Variants in RMDN2 observed in about 807,000 individuals in gnomAD.
RMDN2 encodes the protein regulator of microtubule dynamics 2.
Under a neutral mutation model 52.8 loss-of-function variants are expected in RMDN2, and 61 were observed. The observed-to-expected ratio is 1.16, with a 90% CI of 0.94 to 1.43. The LOEUF (loss-of-function observed/expected upper bound fraction) is 1.43. RMDN2 is among the 40% of genes most tolerant of loss of function. RMDN2 has a pLI of 0.00. For missense variants in RMDN2, 592 were observed against 475.3 expected (o/e 1.25, Z -2.28); for synonymous variants, 180 against 153.1 (o/e 1.18, Z -1.30).
chr2:38,003,930 T>A, intron 8 of RMDN2, 61 bp from the exon 9 acceptor site: 1 of 1,217,950 alleles, frequency 8.2e-7, no homozygotes, highest in Non-Finnish European at 1.2e-6. Context: ...TTCTCTTCAC[T>A]TGTGGTTACT....
intron 4 of RMDN2, among the ~76,000 whole-genome samples, chr2:37,980,727 C>T (rs903751755): frequency 6.6e-6 from 1 of 152,000 alleles, no homozygotes; most frequent in African/African-American, 2.4e-5. Context: ...CTCAGGGAAG[C>T]CTTCCCTTAC....
intron 4 of RMDN2, among the ~76,000 whole-genome samples, chr2:37,976,852 A>T (rs374064796): frequency 1.4e-4 from 21 of 151,108 alleles, no homozygotes; most frequent in Non-Finnish European, 1.0e-4. Context: ...TTTTTTTTAA[A>T]TTTTTTTAGT....
At chr2:37,938,831 T>A (rs1435994618) in intron 2 of RMDN2, among the ~76,000 whole-genome samples, 3 of 152,184 alleles carry the variant, frequency 2.0e-5, no homozygotes, top group African/African-American at 7.2e-5. Flanking sequence ...TATTTTGTAA[T>A]CTTTTCAAAA....
chr2:38,008,402 C>T (rs184914007), intron 10 of RMDN2, among the ~76,000 whole-genome samples: 26 of 152,264 alleles, frequency 1.7e-4, no homozygotes, highest in Non-Finnish European at 4.4e-5. Flanking sequence ...GTATTGGGTG[C>T]ATATATATTT....
At chr2:38,001,979 G>C (rs994888038) in intron 8 of RMDN2, among the ~76,000 whole-genome samples, 6 of 152,192 alleles carry the variant, frequency 3.9e-5, no homozygotes, top group Non-Finnish European at 8.8e-5. Context: ...TAGCTTTGCT[G>C]TCTCTCCAGC....
intron 8 of RMDN2, chr2:38,002,868 C>T (rs1011392457): frequency 6.6e-6 from 1 of 152,210 alleles, no homozygotes; most frequent in Non-Finnish European, 1.5e-5. Flanking sequence ...GTTCTACCCC[C>T]CTCTAGGGTG....
intron 2 of RMDN2, among the ~76,000 whole-genome samples, chr2:37,946,241 G>A (rs1038379783): frequency 2.0e-5 from 3 of 152,130 alleles, no homozygotes; most frequent in African/African-American, 7.2e-5. Context: ...ACCTTTGTGG[G>A]TGTAGGGGTT....
chr2:37,943,060 C>T (rs1176196061), intron 2 of RMDN2, among the ~76,000 whole-genome samples: 6 of 152,204 alleles, frequency 3.9e-5, no homozygotes, highest in African/African-American at 1.4e-4. Flanking sequence ...ATCCACATGC[C>T]ACCCATGAAA....
chr2:37,991,384 A>C, intron 7 of RMDN2, 87 bp downstream of exon 7: 1 of 552,208 alleles, frequency 1.8e-6, no homozygotes, highest in South Asian at 5.3e-5. Flanking sequence ...TTTTATTTTT[A>C]CCCAGTGCCT....
intron 2 of RMDN2, chr2:37,951,601 C>T (rs1051283312): frequency 1.9e-6 from 3 of 1,613,312 alleles, no homozygotes; most frequent in Non-Finnish European, 2.5e-6. Flanking sequence ...CGTTTCTCAT[C>T]CCGTAAACTA....
intron 2 of RMDN2, among the ~76,000 whole-genome samples, chr2:37,951,031 C>T (rs926663405): frequency 1.1e-4 from 17 of 152,074 alleles, no homozygotes; most frequent in African/African-American, 4.1e-4. Context: ...ACCTCTTAGA[C>T]TCCCGCATTC....
At chr2:38,032,883 A>T (rs1444355223) in intron 10 of RMDN2, 1 of 152,144 alleles carries the variant, frequency 6.6e-6, no homozygotes, top group Non-Finnish European at 1.5e-5. Context: ...TTCAGCAGAC[A>T]TGTTTTTATT....
At chr2:38,055,205 T>A (rs10173409) in intron 10 of RMDN2, among the ~76,000 whole-genome samples, 1 of 151,890 alleles carries the variant, frequency 6.6e-6, no homozygotes, top group Admixed American at 6.6e-5. Flanking sequence ...GTTTCACTCC[T>A]TCCCTCTAAG....
Position 37,991,259 on chromosome 2 carries a change from C to A in RMDN2, c.907C>A (p.Pro303Thr), listed in dbSNP as rs753770630. ...AGCAATCAAACTTTTACCAGAGGAA[C>A]CCTTTCTATATTACCTCAAAGGGAG... ...DIAIKLLPEEPFLYYLKGRYC... is the reference protein window; with the variant it reads ...DIAIKLLPEETFLYYLKGRYC... Residue 303 changes from proline (P) to threonine (T), a missense_variant, in exon 7 of 11, where the codon CCC becomes ACC. By Grantham distance (38) the Pro-to-Thr change is conservative. Coordinates refer to ENST00000354545, the MANE Select transcript of RMDN2 (RefSeq NM_001170791.3). 1 of 1,590,208 alleles carries A rather than the reference C, an allele frequency of 6.3e-7. No individual in the cohort carries two copies. The highest frequency in any genetic ancestry group is 8.6e-7 in the Non-Finnish European group (1 of 1,167,136).
chr2:37,925,037 G>A (rs751742029), upstream of RMDN2, among the ~76,000 whole-genome samples: 6 of 152,256 alleles, frequency 3.9e-5, no homozygotes, highest in Non-Finnish European at 5.9e-5. Flanking sequence ...AGCAACGCGA[G>A]AGGGAACGCG....
intron 10 of RMDN2, among the ~76,000 whole-genome samples, chr2:38,038,414 G>A (rs1174163025): frequency 6.6e-6 from 1 of 152,148 alleles, no homozygotes; most frequent in Non-Finnish European, 1.5e-5. Context: ...TCGGTACAAG[G>A]CGGAAAGTGC....
At chr2:37,942,672 G>A (rs147353748) in intron 2 of RMDN2, among the ~76,000 whole-genome samples, 204 of 152,128 alleles carry the variant, frequency 1.3e-3, no homozygotes, top group African/African-American at 2.5e-3. Context: ...AAACCAGTAC[G>A]ATCAAACTTT....
At chr2:38,057,434 A>T (rs1205190416) in intron 10 of RMDN2, among the ~76,000 whole-genome samples, 1 of 152,180 alleles carries the variant, frequency 6.6e-6, no homozygotes, top group Non-Finnish European at 1.5e-5. Flanking sequence ...ACTATTTAAA[A>T]GTGTAAAAAT....
At chr2:38,048,084 A>G (rs1451852449) in intron 10 of RMDN2, among the ~76,000 whole-genome samples, 2 of 152,232 alleles carry the variant, frequency 1.3e-5, no homozygotes, top group South Asian at 2.1e-4. Context: ...TTTCAGATCT[A>G]TCATTCTAAA....
Sources: allele counts gnomAD v4.1 joint callset (sites outside exome capture counted in the v4.1 genomes callset), GRCh38; gene constraint gnomAD v4.1.1; transcripts MANE v1.5; gene names NCBI Gene and HGNC (gene_info 2026-07-23, HGNC 2026-07-21).